GRID2: variants seen among roughly 807,000 people sequenced by gnomAD.
GRID2 encodes the protein glutamate receptor ionotropic, delta-2.
In GRID2, 33 loss-of-function variants were observed where a neutral mutation model predicts 114.8. The observed-to-expected ratio is 0.29, with a 90% CI of 0.22 to 0.38. The LOEUF (loss-of-function observed/expected upper bound fraction) is 0.38, where lower values mean the gene tolerates loss of function less well. Ranked by LOEUF, GRID2 falls within the 10% of genes least tolerant of loss-of-function variation. The pLI is 1.00. For synonymous variants in GRID2, 505 were observed against 449.9 expected (o/e 1.12, Z -1.55); for missense variants, 1,184 against 1,257.7 (o/e 0.94, Z 0.89).
At chr4:92,766,547 A>G (rs1738279350) in intron 2 of GRID2, among the ~76,000 whole-genome samples, 1 of 151,944 alleles carries the variant, frequency 6.6e-6, no homozygotes. Context: ...AAAAAAAAAA[A>G]AAAAAAAAAA....
At position 92,665,682 on chromosome 4, in the gene GRID2, T is replaced by C. The variant is rs1365507293; in HGVS notation, c.244+75396T>C. On this transcript the variant is annotated intron_variant, in intron 2 of 15. Transcript: ENST00000282020. ...TTTTCTCTAACTTTTGAAAGATAAT[T>C]TTACCACATATAGGATTCTTGGTTG... is the stretch of plus-strand genomic sequence containing the variant. Among the ~76,000 whole-genome samples the C allele has an allele frequency of 2.0e-5, 3 of 151,108 alleles. No individual in the cohort carries two copies. In the East Asian group the frequency reaches 5.8e-4, roughly 29 times the overall value.
intron 1 of GRID2, among the ~76,000 whole-genome samples, chr4:92,365,994 C>T: frequency 6.6e-6 from 1 of 152,000 alleles, no homozygotes; most frequent in South Asian, 2.1e-4. Context: ...ATATGAAACA[C>T]TTCATCTATA....
In GRID2 at chr4:92,479,951, C is replaced by T. The variant is rs140106841; in HGVS notation, c.89-110180C>T. On this transcript the variant is annotated intron_variant, in intron 1 of 15. Coordinates refer to ENST00000282020, the MANE Select transcript of GRID2 (RefSeq NM_001510.4). The stretch of plus-strand genomic sequence containing the variant: ...AAGCATTTCATAAATTAAGTTTTAG[C>T]GTAATTGATAGAATGTGATTCTTTG... Among the ~76,000 whole-genome samples, 1,132 of 151,956 alleles carry T rather than the reference C, an allele frequency of 7.4e-3. 14 individuals are homozygous for T. The highest frequency in any genetic ancestry group is 0.025 in the African/African-American group (1,041 of 41,462).
chr4:93,526,732 C>T (rs1215762572), intron 13 of GRID2, among the ~76,000 whole-genome samples: 5 of 152,152 alleles, frequency 3.3e-5, no homozygotes, highest in East Asian at 3.9e-4. Context: ...TCACTTGAAC[C>T]TGGGAGGCGG....
At chr4:93,242,485 T>C (rs1013917598) in intron 8 of GRID2, among the ~76,000 whole-genome samples, 1 of 152,014 alleles carries the variant, frequency 6.6e-6, no homozygotes, top group African/African-American at 2.4e-5. Context: ...GCTTTGTGTT[T>C]GATAGCAGTA....
At chr4:93,236,917 G>T (rs1369895140) in intron 7 of GRID2, among the ~76,000 whole-genome samples, 3 of 151,942 alleles carry the variant, frequency 2.0e-5, no homozygotes, top group Non-Finnish European at 4.4e-5. Context: ...AAAGAATTAA[G>T]TAACAGTGGA....
At chr4:92,704,717 C>T (rs1431308695) in intron 2 of GRID2, among the ~76,000 whole-genome samples, 1 of 143,516 alleles carries the variant, frequency 7.0e-6, no homozygotes, top group Admixed American at 7.1e-5. Flanking sequence ...CTCTCTCTCT[C>T]TCTCTTTCTC....
intron 2 of GRID2, among the ~76,000 whole-genome samples, chr4:92,986,452 T>A (rs2149196212): frequency 6.6e-6 from 1 of 152,316 alleles, no homozygotes; most frequent in East Asian, 1.9e-4. Flanking sequence ...AAATTCTTTC[T>A]ATTTAAATGT....
rs183501036 is a variant in GRID2 at position 93,679,119 on chromosome 4, A to G, written c.2360+52684A>G. On this transcript the variant is annotated intron_variant, in intron 14 of 15. Coordinates refer to ENST00000282020, the MANE Select transcript of GRID2 (RefSeq NM_001510.4). Reference sequence around the variant, plus strand: ...AAATGGAAAATAAAAAAAGTCAGGGATTGCAATCCTAGTCTCTGATAAAAC... The same window carrying G: ...AAATGGAAAATAAAAAAAGTCAGGGGTTGCAATCCTAGTCTCTGATAAAAC... Among the ~76,000 whole-genome samples the G allele has an allele frequency of 4.2e-4, 63 of 151,164 alleles. 1 individual carries two copies. Among genetic ancestry groups the G allele is most frequent in the African/African-American group, 1.2e-3 (47 of 40,822 alleles).
At chr4:93,383,365 T>C (rs1764040100) in intron 8 of GRID2, among the ~76,000 whole-genome samples, 1 of 152,188 alleles carries the variant, frequency 6.6e-6, no homozygotes, top group Non-Finnish European at 1.5e-5. Context: ...CTGAAACATA[T>C]TCATGGCTGC....
chr4:92,488,490 T>C (rs978079095), intron 1 of GRID2, among the ~76,000 whole-genome samples: 6 of 152,126 alleles, frequency 3.9e-5, no homozygotes, highest in Admixed American at 1.3e-4. Context: ...TGAGGGATCA[T>C]TGGGAAGCTT....
chr4:92,443,479 G>C lies in GRID2; in HGVS notation c.88+138735G>C, dbSNP rs187006532. On this transcript the variant is annotated intron_variant, in intron 1 of 15. Coordinates refer to ENST00000282020, the MANE Select transcript of GRID2 (RefSeq NM_001510.4). ...AAGCCTAGAGAAAAGAGAGAGTAGA[G>C]AAACGGAGGGAAGGGGTTTGGGGGT... 1.4e-3 allele frequency among the ~76,000 whole-genome samples: 217 copies of C among 151,486 alleles called. 1 individual carries two copies. Among genetic ancestry groups the C allele is most frequent in the African/African-American group, 4.9e-3 (203 of 41,268 alleles).
At chr4:92,311,746 A>G (rs1189489791) in intron 1 of GRID2, among the ~76,000 whole-genome samples, 1 of 152,078 alleles carries the variant, frequency 6.6e-6, no homozygotes, top group East Asian at 1.9e-4. Flanking sequence ...AAGCATTACT[A>G]CCAACATGTA....
intron 1 of GRID2, among the ~76,000 whole-genome samples, chr4:92,398,830 T>A (rs187334717): frequency 6.6e-6 from 1 of 152,216 alleles, no homozygotes. Context: ...AAGTGAAAGT[T>A]AAAAAATGCA....
intron 11 of GRID2, among the ~76,000 whole-genome samples, chr4:93,470,778 T>C (rs937914912): frequency 2.0e-5 from 3 of 152,134 alleles, no homozygotes; most frequent in African/African-American, 7.2e-5. Context: ...CAAAAGTGTA[T>C]GATTTCAAAA....
chr4:93,226,864 C>G (rs1745544279), intron 7 of GRID2, among the ~76,000 whole-genome samples: 1 of 152,122 alleles, frequency 6.6e-6, no homozygotes, highest in Non-Finnish European at 1.5e-5. Flanking sequence ...ACACTGTATG[C>G]CTGAAGGTGT....
At chr4:93,775,632 A>G (rs917507381), downstream of GRID2, among the ~76,000 whole-genome samples, 12 of 152,196 alleles carry the variant, frequency 7.9e-5, no homozygotes, top group Non-Finnish European at 1.5e-4. Flanking sequence ...CAACCTGGCT[A>G]TTTCACTACA....
chr4:92,937,583 G>T (rs1002521859), intron 2 of GRID2, among the ~76,000 whole-genome samples: 3 of 146,398 alleles, frequency 2.0e-5, no homozygotes, highest in African/African-American at 7.3e-5. Flanking sequence ...ATTTATGTCA[G>T]TATCAAATTA....
intron 14 of GRID2, among the ~76,000 whole-genome samples, chr4:93,730,973 T>G (rs1209125411): frequency 1.3e-5 from 2 of 152,174 alleles, no homozygotes; most frequent in African/African-American, 4.8e-5. Context: ...AAGCCCGGCG[T>G]GGGGAGGGCA....
Sources: allele counts gnomAD v4.1 joint callset (sites outside exome capture counted in the v4.1 genomes callset), GRCh38; gene constraint gnomAD v4.1.1; transcripts MANE v1.5; gene names NCBI Gene and HGNC (gene_info 2026-07-23, HGNC 2026-07-21).